The following LRRC72 variants were observed in gnomAD, a reference collection of about 807,000 sequenced individuals.
LRRC72 encodes leucine-rich repeat-containing protein 72.
LRRC72 carries 41 observed loss-of-function variants against 35.8 expected under a neutral mutation model. That is an observed-to-expected ratio of 1.15 (90% CI 0.89 to 1.49). The LOEUF (loss-of-function observed/expected upper bound fraction) is 1.49, where lower values mean the gene tolerates loss of function less well. LRRC72 is among the 40% of genes most tolerant of loss of function. LRRC72 has a pLI of 0.00. For missense variants in LRRC72, 389 were observed against 330.7 expected, an observed-to-expected ratio of 1.18 and a Z score of -1.37; for synonymous variants, 118 against 119.2, an observed-to-expected ratio of 0.99 and a Z score of 0.07.
chr7:16,570,024 C>T (rs1782916126), intron 7 of LRRC72, among the ~76,000 whole-genome samples: 1 of 151,194 alleles, frequency 6.6e-6, no homozygotes, highest in Non-Finnish European at 1.5e-5. Context: ...AGGGAGATTC[C>T]TTCTCAAAAA....
chr7:16,555,313 C>G (rs900400695), intron 3 of LRRC72, among the ~76,000 whole-genome samples: 11 of 152,134 alleles, frequency 7.2e-5, no homozygotes, highest in African/African-American at 2.2e-4. Flanking sequence ...GAAATTTCAT[C>G]AAAGAAGTTA....
At chr7:16,535,613 A>G (rs1782240365) in intron 2 of LRRC72, among the ~76,000 whole-genome samples, 1 of 152,190 alleles carries the variant, frequency 6.6e-6, no homozygotes, top group South Asian at 2.1e-4. Context: ...CTTTCCAATT[A>G]TAAAATTTGT....
chr7:16,547,449 C>A (rs185559112), intron 3 of LRRC72, among the ~76,000 whole-genome samples: 103 of 152,260 alleles, frequency 6.8e-4, no homozygotes, highest in Non-Finnish European at 1.3e-3. Flanking sequence ...CTCTTGGGAT[C>A]TGGGAGCAGG....
intron 7 of LRRC72, among the ~76,000 whole-genome samples, chr7:16,568,769 G>C (rs1050143064): frequency 6.6e-6 from 1 of 152,112 alleles, no homozygotes; most frequent in Non-Finnish European, 1.5e-5. Flanking sequence ...AAAGCAGTCG[G>C]AGAGAAAACC....
chr7:16,528,697 C>A (rs1318701348), intron 1 of LRRC72, among the ~76,000 whole-genome samples: 2 of 152,146 alleles, frequency 1.3e-5, no homozygotes. Context: ...ACCAGGCCCC[C>A]ATACACATCA....
At chr7:16,552,922 C>T (rs373512190) in intron 3 of LRRC72, among the ~76,000 whole-genome samples, 13 of 152,234 alleles carry the variant, frequency 8.5e-5, no homozygotes, top group South Asian at 2.1e-4. Context: ...GCTGTATAAT[C>T]GTGGGTAAAT....
intron 1 of LRRC72, among the ~76,000 whole-genome samples, chr7:16,532,031 T>C (rs1376920207): frequency 1.3e-5 from 2 of 152,196 alleles, no homozygotes; most frequent in African/African-American, 2.4e-5. Context: ...CCAAGCATAA[T>C]GTGATAGGCA....
rs1782669552 is a variant in LRRC72 at position 16,557,395 on chromosome 7, T to C, written c.270T>C (p.Cys90=). ...HGITFLTRNY[C]LTELYLNNNA... ...TAACATTTCTAACTAGAAACTATTG[T>C]CTGACAGAACTATATCTAAACAACA... The change falls in exon 4 of 9, where the codon TGT becomes TGC. Residue 90 remains cysteine, a synonymous_variant. Transcript: ENST00000401542. 1 of 1,339,792 alleles carries C rather than the reference T, an allele frequency of 7.5e-7. No individual in the cohort carries two copies. Among genetic ancestry groups the C allele is most frequent in the Non-Finnish European group, 9.8e-7 (1 of 1,019,250 alleles). The allele number at this position is 1,339,792 out of a possible 1,614,324, so 83.0% of individuals were successfully genotyped here. A position where few individuals can be genotyped will look rare whatever the true frequency, so the allele number is the denominator to read the frequency against.
At chr7:16,566,783 C>G (rs781477744) in intron 6 of LRRC72, among the ~76,000 whole-genome samples, 4 of 152,026 alleles carry the variant, frequency 2.6e-5, no homozygotes, top group Admixed American at 2.6e-4. Context: ...TTCTAAAAGT[C>G]GTGATTTAAA....
At chr7:16,572,279 A>C (rs1479725926) in intron 7 of LRRC72, among the ~76,000 whole-genome samples, 1 of 152,214 alleles carries the variant, frequency 6.6e-6, no homozygotes, top group Admixed American at 6.5e-5. Context: ...CCATAGAAAA[A>C]GAGGAACTCC....
At chr7:16,577,365 A>C (rs1253978528) in intron 7 of LRRC72, among the ~76,000 whole-genome samples, 1 of 152,188 alleles carries the variant, frequency 6.6e-6, no homozygotes, top group African/African-American at 2.4e-5. Flanking sequence ...TTTCTAAGGG[A>C]GATACCATAT....
chr7:16,577,492 CAGAG>C (rs1783061984), intron 7 of LRRC72, among the ~76,000 whole-genome samples: 1 of 152,134 alleles, frequency 6.6e-6, no homozygotes, highest in African/African-American at 2.4e-5. Flanking sequence ...ACACAAAACT[CAGAG>C]GGCATCAAAG....
At chr7:16,558,197 C>G (rs1000423722) in intron 4 of LRRC72, among the ~76,000 whole-genome samples, 3 of 151,998 alleles carry the variant, frequency 2.0e-5, no homozygotes, top group African/African-American at 7.3e-5. Context: ...CCTTGACTAG[C>G]ATTATAAATC....
chr7:16,548,319 C>T (rs1411266267), intron 3 of LRRC72, among the ~76,000 whole-genome samples: 1 of 152,226 alleles, frequency 6.6e-6, no homozygotes, highest in African/African-American at 2.4e-5. Flanking sequence ...AGCCATAACA[C>T]AAACAGGGCT....
intron 3 of LRRC72, among the ~76,000 whole-genome samples, chr7:16,550,873 T>G (rs778915626): frequency 3.6e-4 from 55 of 152,366 alleles, no homozygotes; most frequent in Admixed American, 7.8e-4. Context: ...AAGTATGCTA[T>G]TCAGAGCTAA....
At chr7:16,571,388 G>T (rs1406858328) in intron 7 of LRRC72, among the ~76,000 whole-genome samples, 2 of 152,122 alleles carry the variant, frequency 1.3e-5, no homozygotes, top group Non-Finnish European at 2.9e-5. Context: ...AATATTTACG[G>T]TTGTGGTGGC....
At chr7:16,554,098 G>A (rs1370048699) in intron 3 of LRRC72, among the ~76,000 whole-genome samples, 1 of 152,214 alleles carries the variant, frequency 6.6e-6, no homozygotes, top group Non-Finnish European at 1.5e-5. Context: ...GGAGGCCGAA[G>A]CGGGCAGATT....
At chr7:16,577,467 G>A (rs1001468684) in intron 7 of LRRC72, among the ~76,000 whole-genome samples, 8 of 152,108 alleles carry the variant, frequency 5.3e-5, no homozygotes, top group South Asian at 2.1e-4. Flanking sequence ...CAAAGTGAAG[G>A]CCAATCAAAG....
intron 5 of LRRC72, among the ~76,000 whole-genome samples, chr7:16,565,924 A>G (rs1782830365): frequency 6.6e-6 from 1 of 152,226 alleles, no homozygotes; most frequent in Non-Finnish European, 1.5e-5. Flanking sequence ...GACTGAAAGA[A>G]GAGTACCAAG....
Sources: gnomAD v4.1 joint callset for allele counts (sites outside exome capture counted in the v4.1 genomes callset) on GRCh38, gnomAD v4.1.1 for gene constraint, MANE v1.5 for transcripts, NCBI Gene and HGNC (gene_info 2026-07-23, HGNC 2026-07-21) for gene names.